PTPRJ: variants seen among roughly 807,000 people sequenced by gnomAD.
The protein encoded by PTPRJ is receptor-type tyrosine-protein phosphatase eta.
A neutral mutation model predicts 141.3 loss-of-function variants in PTPRJ; 129 were observed. The observed-to-expected ratio is 0.91, with a 90% CI of 0.79 to 1.06. PTPRJ has a LOEUF of 1.06. Ranked by LOEUF, PTPRJ falls within the 50% of genes least tolerant of loss-of-function variation. The pLI, the probability that PTPRJ is intolerant of heterozygous loss-of-function variation, is 0.00. For missense variants in PTPRJ, 1,601 were observed against 1,679.7 expected (o/e 0.95, Z 0.82); for synonymous variants, 610 against 640.5 (o/e 0.95, Z 0.72).
chr11:48,071,824 G>A (rs1189958556), intron 1 of PTPRJ, among the ~76,000 whole-genome samples: 1 of 149,370 alleles, frequency 6.7e-6, no homozygotes, highest in South Asian at 2.1e-4. Context: ...GGATGGTCTC[G>A]ATCTCTTGAC....
At chr11:48,118,465 C>T (rs1856623410) in intron 3 of PTPRJ, among the ~76,000 whole-genome samples, 1 of 152,214 alleles carries the variant, frequency 6.6e-6, no homozygotes, top group Admixed American at 6.5e-5. Context: ...CTTCCAAACT[C>T]ATTTAACAAG....
chr11:48,129,951 C>T (rs975738784), intron 7 of PTPRJ, among the ~76,000 whole-genome samples: 6 of 152,116 alleles, frequency 3.9e-5, no homozygotes, highest in African/African-American at 1.4e-4. Context: ...AGTCACATTG[C>T]AACATCTAGC....
chr11:48,068,527 G>A (rs983466237), intron 1 of PTPRJ, among the ~76,000 whole-genome samples: 3 of 152,230 alleles, frequency 2.0e-5, no homozygotes, highest in African/African-American at 7.2e-5. Flanking sequence ...GTGAGGCCTC[G>A]CCAGCCATGT....
At chr11:48,164,258 C>T in intron 23 of PTPRJ, 122 bp from the exon 24 acceptor site, 1 of 1,243,832 alleles carries the variant, frequency 8.0e-7, no homozygotes, top group Non-Finnish European at 1.1e-6. Flanking sequence ...TGTACTGATC[C>T]TGTGCATTGC....
At chr11:48,120,499 C>A (rs1411909766) in intron 3 of PTPRJ, among the ~76,000 whole-genome samples, 1 of 152,120 alleles carries the variant, frequency 6.6e-6, no homozygotes, top group Non-Finnish European at 1.5e-5. Context: ...GATCTTGGCT[C>A]ACTGCAACCT....
At chr11:48,050,115 T>C (rs1031749325) in intron 1 of PTPRJ, among the ~76,000 whole-genome samples, 3 of 152,228 alleles carry the variant, frequency 2.0e-5, no homozygotes, top group African/African-American at 7.2e-5. Context: ...TCAGGTTTCG[T>C]AGCCTCTTCA....
intron 1 of PTPRJ, among the ~76,000 whole-genome samples, chr11:48,093,659 T>G (rs529287879): frequency 1.3e-5 from 2 of 152,180 alleles, no homozygotes; most frequent in African/African-American, 4.8e-5. Context: ...ATAAAATAGA[T>G]TGATACTCTA....
At chr11:48,146,030 G>A (rs548501380) in intron 14 of PTPRJ, among the ~76,000 whole-genome samples, 3 of 152,116 alleles carry the variant, frequency 2.0e-5, no homozygotes, top group South Asian at 4.2e-4. Flanking sequence ...TTGTAGAGAT[G>A]GGGTCTTGCT....
intron 21 of PTPRJ, among the ~76,000 whole-genome samples, chr11:48,159,150 TG>T (rs1857698685): frequency 6.7e-6 from 1 of 149,992 alleles, no homozygotes; most frequent in African/African-American, 2.4e-5. Context: ...TGTGTGTGTG[TG>T]TGTGTGTGTG....
chr11:48,128,998 A>C (rs974588194), intron 7 of PTPRJ, among the ~76,000 whole-genome samples: 1 of 151,662 alleles, frequency 6.6e-6, no homozygotes, highest in African/African-American at 2.4e-5. Context: ...ACCACCAAAA[A>C]CAACAACAAC....
intron 1 of PTPRJ, among the ~76,000 whole-genome samples, chr11:48,006,287 GGAGA>G (rs145043503): frequency 1.3e-5 from 2 of 150,928 alleles, no homozygotes; most frequent in African/African-American, 4.9e-5. Context: ...AGGAAGAGTG[GGAGA>G]GAGAGAGAGA....
At chr11:48,137,937 C>T (rs1026819849) in intron 10 of PTPRJ, among the ~76,000 whole-genome samples, 1 of 152,122 alleles carries the variant, frequency 6.6e-6, no homozygotes, top group African/African-American at 2.4e-5. Flanking sequence ...GAGAAGAGCC[C>T]TCTGTGTAAT....
intron 1 of PTPRJ, among the ~76,000 whole-genome samples, chr11:48,025,763 G>A (rs1206060068): frequency 1.3e-5 from 2 of 152,176 alleles, no homozygotes; most frequent in African/African-American, 2.4e-5. Flanking sequence ...CCCTTTAGGC[G>A]CTCTAAATGG....
intron 3 of PTPRJ, among the ~76,000 whole-genome samples, chr11:48,113,409 G>T (rs1386158841): frequency 1.3e-5 from 2 of 152,178 alleles, no homozygotes; most frequent in East Asian, 1.9e-4. Context: ...ATCAGGGTTG[G>T]CAGATAATAA....
At chr11:47,982,234 G>A (rs905902004) in intron 1 of PTPRJ, among the ~76,000 whole-genome samples, 6 of 152,216 alleles carry the variant, frequency 3.9e-5, no homozygotes, top group Non-Finnish European at 5.9e-5. Context: ...AGAAGGCAAT[G>A]TGACCTCCTG....
At chr11:48,083,541 T>C (rs1409078731) in intron 1 of PTPRJ, among the ~76,000 whole-genome samples, 2 of 152,256 alleles carry the variant, frequency 1.3e-5, no homozygotes, top group African/African-American at 4.8e-5. Context: ...ATCCCACATG[T>C]GCAAATGTCT....
intron 14 of PTPRJ, among the ~76,000 whole-genome samples, chr11:48,145,562 T>A (rs949063067): frequency 1.4e-4 from 20 of 145,882 alleles, no homozygotes; most frequent in African/African-American, 5.1e-4. Context: ...TTTTATGTTT[T>A]TTTTTTTTTT....
At chr11:48,115,438 G>A (rs4752897) in intron 3 of PTPRJ, among the ~76,000 whole-genome samples, 110,287 of 152,012 alleles carry the variant, frequency 0.73, 41,089 homozygotes, top group South Asian at 0.83. Context: ...AACCAAGATT[G>A]CTATACCCAG....
chr11:48,078,057 C>A (rs1199351990), intron 1 of PTPRJ, among the ~76,000 whole-genome samples: 1 of 148,048 alleles, frequency 6.8e-6, no homozygotes, highest in Non-Finnish European at 1.5e-5. Context: ...TTTTTTTTTT[C>A]TTTTTCTTTT....
Sources: gnomAD v4.1 joint callset for allele counts (sites outside exome capture counted in the v4.1 genomes callset) on GRCh38, gnomAD v4.1.1 for gene constraint, MANE v1.5 for transcripts, NCBI Gene and HGNC (gene_info 2026-07-23, HGNC 2026-07-21) for gene names.